CTNND2: variants seen among roughly 807,000 people sequenced by gnomAD.
CTNND2 encodes catenin delta-2.
In CTNND2, 22 loss-of-function variants were observed where a neutral mutation model predicts 144.4. That is an observed-to-expected ratio of 0.15 (90% CI 0.11 to 0.22). CTNND2 has a LOEUF of 0.22. Among genes scored for constraint, CTNND2 ranks in the 10% least tolerant of loss-of-function variants. CTNND2 has a pLI of 1.00. For missense variants in CTNND2, 1,353 were observed against 1,618.8 expected (o/e 0.84, Z 2.82); for synonymous variants, 751 against 695.6 (o/e 1.08, Z -1.25).
chr5:11,412,199 A>G (rs1761600290), intron 3 of CTNND2, 130 bp from the exon 4 acceptor site: 4 of 662,166 alleles, frequency 6.0e-6, no homozygotes, highest in African/African-American at 1.8e-5. Flanking sequence ...ATTTCTTACT[A>G]TGAAAAGGGA....
chr5:11,425,573 G>A (rs577324160), intron 3 of CTNND2, among the ~76,000 whole-genome samples: 24 of 152,248 alleles, frequency 1.6e-4, no homozygotes, highest in African/African-American at 5.5e-4. Flanking sequence ...CGCACTGCCA[G>A]TCGAATGTAT....
At chr5:11,134,947 A>G (rs1484842643) in intron 12 of CTNND2, among the ~76,000 whole-genome samples, 1 of 152,248 alleles carries the variant, frequency 6.6e-6, no homozygotes, top group Non-Finnish European at 1.5e-5. Flanking sequence ...GCCACAGAGC[A>G]TCATTAAAAA....
At chr5:11,195,156 A>G (rs975326552) in intron 11 of CTNND2, among the ~76,000 whole-genome samples, 21 of 152,196 alleles carry the variant, frequency 1.4e-4, no homozygotes, top group Non-Finnish European at 2.9e-5. Flanking sequence ...TAAATTGAAA[A>G]TGTTCAACGA....
chr5:11,176,072 ATAAGT>A (rs982890836), intron 11 of CTNND2, among the ~76,000 whole-genome samples: 4 of 152,206 alleles, frequency 2.6e-5, no homozygotes, highest in African/African-American at 4.8e-5. Flanking sequence ...GAATGAACAC[ATAAGT>A]TAAGCTACTA....
chr5:11,262,719 A>G (rs1423835212), intron 9 of CTNND2, among the ~76,000 whole-genome samples: 4 of 127,682 alleles, frequency 3.1e-5, no homozygotes, highest in East Asian at 2.7e-4. Flanking sequence ...TCGAGACCGC[A>G]CCACTGCACT....
intron 9 of CTNND2, among the ~76,000 whole-genome samples, chr5:11,315,982 G>A (rs1267469558): frequency 6.6e-6 from 1 of 152,170 alleles, no homozygotes; most frequent in Non-Finnish European, 1.5e-5. Flanking sequence ...TAAAATGCCT[G>A]TTGAGACCAA....
chr5:11,691,290 G>A (rs1038235129), intron 2 of CTNND2, among the ~76,000 whole-genome samples: 24 of 151,802 alleles, frequency 1.6e-4, no homozygotes, highest in Non-Finnish European at 3.5e-4. Flanking sequence ...AGAATGGCGT[G>A]AACCCAGGAG....
chr5:11,037,480 A>G (rs1744211854), intron 16 of CTNND2, among the ~76,000 whole-genome samples: 2 of 152,200 alleles, frequency 1.3e-5, no homozygotes, highest in South Asian at 2.1e-4. Context: ...TATCACCACC[A>G]CATATGAAGA....
At chr5:11,521,069 C>T (rs970804308) in intron 3 of CTNND2, among the ~76,000 whole-genome samples, 13 of 152,132 alleles carry the variant, frequency 8.5e-5, no homozygotes, top group Middle Eastern at 3.4e-3. Flanking sequence ...AGGGGTAATT[C>T]GAATTTTCAA....
At chr5:11,328,075 C>T (rs373696905) in intron 9 of CTNND2, among the ~76,000 whole-genome samples, 1 of 152,080 alleles carries the variant, frequency 6.6e-6, no homozygotes, top group Non-Finnish European at 1.5e-5. Flanking sequence ...CCATTTCATT[C>T]CCATAAGTGA....
intron 2 of CTNND2, among the ~76,000 whole-genome samples, chr5:11,711,745 A>G (rs1351570695): frequency 6.6e-6 from 1 of 152,244 alleles, no homozygotes; most frequent in African/African-American, 2.4e-5. Context: ...AGTTTTGTCT[A>G]TGGATAACAT....
intron 2 of CTNND2, among the ~76,000 whole-genome samples, chr5:11,634,027 T>C (rs769161096): frequency 2.1e-4 from 32 of 152,294 alleles, no homozygotes; most frequent in South Asian, 2.1e-4. Flanking sequence ...AGGCTCATGC[T>C]TCTCCTGCAC....
chr5:11,686,179 C>G (rs1472579485), intron 2 of CTNND2, among the ~76,000 whole-genome samples: 1 of 151,242 alleles, frequency 6.6e-6, no homozygotes, highest in Admixed American at 6.6e-5. Context: ...GCATACCAGC[C>G]TGGGTGACAA....
chr5:11,084,021 A>G, intron 15 of CTNND2: 2 of 920,946 alleles, frequency 2.2e-6, no homozygotes, highest in South Asian at 3.0e-5. Flanking sequence ...ACATTCACAC[A>G]GTTTCTTATC....
At chr5:11,635,424 G>C (rs1781633399) in intron 2 of CTNND2, among the ~76,000 whole-genome samples, 1 of 152,140 alleles carries the variant, frequency 6.6e-6, no homozygotes, top group African/African-American at 2.4e-5. Flanking sequence ...CTCCTTAGGA[G>C]CAAGGATGTA....
intron 3 of CTNND2, among the ~76,000 whole-genome samples, chr5:11,492,039 C>T (rs1769436772): frequency 1.3e-5 from 2 of 152,292 alleles, no homozygotes; most frequent in East Asian, 3.9e-4. Flanking sequence ...ATAAAATAAG[C>T]TGCTGGGTAA....
chr5:11,018,044 A>G lies in CTNND2; in HGVS notation c.3014T>C (p.Val1005Ala). The G allele has an allele frequency of 6.2e-7, 1 of 1,612,968 alleles. No individual in the cohort carries two copies. The highest frequency in any genetic ancestry group is 8.5e-7 in the Non-Finnish European group (1 of 1,179,146). Reference sequence around the variant, plus strand: ...GAGGACCTGAGATGCAGCCTTGACCACTTTTGGAGAGTGTCTGATGAAGAA... The same window carrying G: ...GAGGACCTGAGATGCAGCCTTGACCGCTTTTGGAGAGTGTCTGATGAAGAA... ...KSKGDKHSPKVVKAASQVLNS... is the reference protein window; with the variant it reads ...KSKGDKHSPKAVKAASQVLNS... Residue 1005 changes from valine (V) to alanine (A), a missense_variant, in exon 18 of 22, where the codon GTG becomes GCG. By Grantham distance (64) the Val-to-Ala change is moderately conservative (BLOSUM62 0). Coordinates refer to ENST00000304623, the MANE Select transcript of CTNND2 (RefSeq NM_001332.4).
intron 3 of CTNND2, among the ~76,000 whole-genome samples, chr5:11,473,366 T>C (rs2428666): frequency 6.6e-6 from 1 of 152,190 alleles, no homozygotes; most frequent in Non-Finnish European, 1.5e-5. Context: ...TGTTGTTTAT[T>C]ATAAGTATTA....
chr5:11,385,062 G>C lies in CTNND2; in HGVS notation c.780C>G (p.Pro260=). The C allele has an allele frequency of 1.8e-6, 2 of 1,093,788 alleles. No homozygotes were observed. The highest frequency in any genetic ancestry group is 2.2e-6 in the Non-Finnish European group (2 of 905,742). The allele number at this position is 1,093,788 out of a possible 1,614,324, so 67.8% of individuals were successfully genotyped here. Residue 260 remains proline (P), a synonymous_variant, in exon 7 of 22, where the codon CCC becomes CCG. Transcript: ENST00000304623. The part of the protein sequence containing the change: ...AALYYSSSTL[P]APPRGGSPLA... ...GCGGGGAGCCCCCGCGCGGCGGCGC[G>C]GGCAGCGTGGAGCTGGAGTAGTAGA...
Sources: allele counts gnomAD v4.1 joint callset (sites outside exome capture counted in the v4.1 genomes callset), GRCh38; gene constraint gnomAD v4.1.1; transcripts MANE v1.5; gene names NCBI Gene and HGNC (gene_info 2026-07-23, HGNC 2026-07-21).